The following B3GAT2 variants were observed in gnomAD, a reference collection of about 807,000 sequenced individuals.
B3GAT2 encodes the protein galactosylgalactosylxylosylprotein 3-beta-glucuronosyltransferase 2.
B3GAT2 carries 26 observed loss-of-function variants against 27.8 expected under a neutral mutation model. The ratio of observed to expected loss-of-function variants is 0.93; its 90% CI spans 0.68 to 1.30. The LOEUF is 1.30. Among genes scored for constraint, B3GAT2 ranks in the 50% most tolerant of loss-of-function variants. The probability of loss-of-function intolerance (pLI) is 0.00; values close to 1 mark genes in which losing one functional copy is unlikely to be tolerated. For synonymous variants in B3GAT2, 218 were observed against 195.1 expected, an observed-to-expected ratio of 1.12 and a Z score of -0.98; for missense variants, 458 against 459.0, an observed-to-expected ratio of 1.00 and a Z score of 0.02.
chr6:70,860,673 T>A lies in B3GAT2; in HGVS notation c.*990A>T, dbSNP rs1771679644. 7.2e-6 allele frequency: 3 copies of A among 416,172 alleles called. No individual in the cohort carries two copies. The East Asian group carries it at 1.0e-4, about 14-fold the overall frequency. The allele number at this position is 416,172 out of a possible 1,614,324, so 25.8% of individuals were successfully genotyped here. On this transcript the variant is annotated 3_prime_UTR_variant, in exon 4 of 4. Transcript: ENST00000230053. ...ATAAGGGAAGTAGTTATCATGTTAG[T>A]AATACCTCTAATAGTATAAACCCCA... is the stretch of plus-strand genomic sequence containing the variant.
intron 1 of B3GAT2, among the ~76,000 whole-genome samples, chr6:70,928,572 A>G (rs1773004584): frequency 6.6e-6 from 1 of 152,234 alleles, no homozygotes. Flanking sequence ...ACACAAATAA[A>G]TTAGAAAATC....
chr6:70,889,732 TC>T, intron 2 of B3GAT2, among the ~76,000 whole-genome samples: 1 of 150,858 alleles, frequency 6.6e-6, no homozygotes, highest in Admixed American at 6.6e-5. Context: ...AGACAGAACC[TC>T]CCCAAGCCTT....
At chr6:70,890,813 C>T (rs75748342) in intron 2 of B3GAT2, among the ~76,000 whole-genome samples, 1 of 152,372 alleles carries the variant, frequency 6.6e-6, no homozygotes, top group Non-Finnish European at 1.5e-5. Flanking sequence ...AAAGTACCTA[C>T]TGTGTGCCAG....
intron 1 of B3GAT2, among the ~76,000 whole-genome samples, chr6:70,899,213 A>G (rs1772449589): frequency 6.6e-6 from 1 of 152,238 alleles, no homozygotes; most frequent in Non-Finnish European, 1.5e-5. Flanking sequence ...GGACCACTAG[A>G]ACAATTAAAT....
Position 70,857,713 on chromosome 6 carries a change from A to T in B3GAT2, c.*3950T>A. ...TGATTTACATTTCTTAATTAAATTT[A>T]CTCAGGTTAATAACTGATTTGTCTG... On this transcript the variant is annotated 3_prime_UTR_variant, in exon 4 of 4. Coordinates refer to ENST00000230053, the MANE Select transcript of B3GAT2 (RefSeq NM_080742.3). 3.5e-6 allele frequency: 2 copies of T among 568,168 alleles called. No homozygotes were observed. The highest frequency in any genetic ancestry group is 4.5e-5 in the South Asian group (2 of 44,270). The allele number at this position is 568,168 out of a possible 1,614,324, so 35.2% of individuals were successfully genotyped here. A position where few individuals can be genotyped will look rare whatever the true frequency, so the allele number is the denominator to read the frequency against.
chr6:70,956,166 G>C lies in B3GAT2; in HGVS notation c.264C>G (p.Thr88=). 10 of 1,609,554 alleles carry C rather than the reference G, an allele frequency of 6.2e-6. No individual in the cohort carries two copies. The highest frequency in any genetic ancestry group is 7.6e-6 in the Non-Finnish European group (9 of 1,177,706). The change falls in exon 1 of 4, where the codon ACC becomes ACG. Residue 88 remains threonine, a synonymous_variant. Transcript: ENST00000230053. The stretch of plus-strand genomic sequence containing the variant: ...CCGCTTTCTGCACCGGGCGGCTGTA[G>C]GTGGGCGTGATGGCATAGATGGTGG... The part of the protein sequence containing the change: ...QLPTIYAITP[T]YSRPVQKAEL...
chr6:70,897,670 A>AAT (rs3034203), intron 1 of B3GAT2, among the ~76,000 whole-genome samples: 86 of 92,340 alleles, frequency 9.3e-4, no homozygotes, highest in Admixed American at 3.5e-3. Flanking sequence ...AAAAAAAAAA[A>AAT]ATATATATAT....
chr6:70,935,283 C>T (rs957479011), intron 1 of B3GAT2, among the ~76,000 whole-genome samples: 5 of 149,094 alleles, frequency 3.4e-5, no homozygotes, highest in African/African-American at 2.5e-5. Context: ...CTGTCTCTAC[C>T]AAAAAAAAAT....
intron 1 of B3GAT2, among the ~76,000 whole-genome samples, chr6:70,944,455 A>G (rs1405754195): frequency 2.6e-5 from 4 of 152,172 alleles, no homozygotes; most frequent in Non-Finnish European, 5.9e-5. Flanking sequence ...AGTCTCGCTG[A>G]TTGCTAGCAC....
At chr6:70,914,533 T>C (rs1772737575) in intron 1 of B3GAT2, among the ~76,000 whole-genome samples, 1 of 152,166 alleles carries the variant, frequency 6.6e-6, no homozygotes, top group Non-Finnish European at 1.5e-5. Flanking sequence ...AGTCTATTAT[T>C]ATTATTTTTT....
intron 1 of B3GAT2, among the ~76,000 whole-genome samples, chr6:70,953,846 A>T (rs955310709): frequency 9.2e-5 from 14 of 152,008 alleles, no homozygotes; most frequent in African/African-American, 3.4e-4. Context: ...ATTTTCCCCC[A>T]TATGGACTAA....
intron 1 of B3GAT2, among the ~76,000 whole-genome samples, chr6:70,943,002 CATAA>C (rs1181149714): frequency 6.6e-6 from 1 of 152,150 alleles, no homozygotes; most frequent in Admixed American, 6.6e-5. Flanking sequence ...CAGCATGTAA[CATAA>C]ATAGTGTTTA....
intron 1 of B3GAT2, among the ~76,000 whole-genome samples, chr6:70,937,225 A>T (rs962318728): frequency 1.3e-5 from 2 of 151,956 alleles, no homozygotes; most frequent in African/African-American, 4.8e-5. Context: ...CTCTGAATAG[A>T]CCAATAACAG....
At chr6:70,920,221 C>T (rs938680281) in intron 1 of B3GAT2, among the ~76,000 whole-genome samples, 71 of 152,210 alleles carry the variant, frequency 4.7e-4, no homozygotes, top group African/African-American at 1.5e-3. Flanking sequence ...AGCGTGGGAC[C>T]CACCGAGCAG....
In B3GAT2 at chr6:70,934,265, C is replaced by A. The variant is rs540931444; in HGVS notation, c.591+21574G>T. On this transcript the variant is annotated intron_variant, in intron 1 of 3. Transcript: ENST00000230053. ...TAAGTTAGGGAATAAATTCCCAGAC[C>A]CTTGGCATCCCTACATACGGCATAA... 5.3e-5 allele frequency among the ~76,000 whole-genome samples: 8 copies of A among 152,232 alleles called. No individual in the cohort carries two copies. In the South Asian group the frequency reaches 1.7e-3, roughly 32 times the overall value.
Position 70,861,871 on chromosome 6 carries a change from T to C in B3GAT2, c.844A>G (p.Thr282Ala), listed in dbSNP as rs1377218376. ...QESDFLKQIT[T>A]VEELEPKANN... ...GCTTTCGGTTCCAGTTCTTCGACTG[T>C]TGTTATCTGTTTGAGAAAGTCAGAT... is the stretch of plus-strand genomic sequence containing the variant. Residue 282 changes from threonine (T) to alanine (A), a missense_variant, in exon 3 of 4, where the codon ACA becomes GCA. Thr to Ala is a moderately conservative substitution (Grantham distance 58). Transcript: ENST00000230053. The C allele has an allele frequency of 1.2e-6, 2 of 1,613,992 alleles. No homozygotes were observed. The highest frequency in any genetic ancestry group is 3.3e-5 in the Admixed American group (2 of 60,008).
At chr6:70,950,091 T>C (rs980774012) in intron 1 of B3GAT2, among the ~76,000 whole-genome samples, 1 of 151,686 alleles carries the variant, frequency 6.6e-6, no homozygotes, top group Non-Finnish European at 1.5e-5. Flanking sequence ...CATTAGGAGA[T>C]ATACCTAATG....
intron 1 of B3GAT2, among the ~76,000 whole-genome samples, chr6:70,936,275 G>GAGACTT (rs1482793519): frequency 6.6e-6 from 1 of 151,992 alleles, no homozygotes; most frequent in Non-Finnish European, 1.5e-5. Context: ...GACCTACAAA[G>GAGACTT]AGACTTAGAC....
chr6:70,858,846 T>A lies in B3GAT2; in HGVS notation c.*2817A>T, dbSNP rs1358937990. ...ATGTTTAAAAAGAGTACAAAAAGAT[T>A]CAATTCCCATAAGGTGTGAACCAGA... On this transcript the variant is annotated 3_prime_UTR_variant, in exon 4 of 4. Coordinates refer to ENST00000230053, the MANE Select transcript of B3GAT2 (RefSeq NM_080742.3). 6.5e-6 allele frequency: 1 copy of A among 152,836 alleles called. No individual in the cohort carries two copies. Among genetic ancestry groups the A allele is most frequent in the Admixed American group, 6.5e-5 (1 of 15,326 alleles). The allele number at this position is 152,836 out of a possible 1,614,324, so 9.5% of individuals were successfully genotyped here.
Sources: allele counts gnomAD v4.1 joint callset (sites outside exome capture counted in the v4.1 genomes callset), GRCh38; gene constraint gnomAD v4.1.1; transcripts MANE v1.5; gene names NCBI Gene and HGNC (gene_info 2026-07-23, HGNC 2026-07-21).